Variants in ESR1 observed in about 807,000 individuals in gnomAD.
The protein encoded by ESR1 is estrogen receptor 1.
Under a neutral mutation model 52.7 loss-of-function variants are expected in ESR1, and 12 were observed. The ratio of observed to expected loss-of-function variants is 0.23; its 90% CI spans 0.15 to 0.37. The LOEUF is 0.37. Ranked by LOEUF, ESR1 falls within the 10% of genes least tolerant of loss-of-function variation. ESR1 has a pLI of 1.00. For missense variants in ESR1, 584 were observed against 779.7 expected (o/e 0.75, Z 2.99); for synonymous variants, 305 against 316.8 (o/e 0.96, Z 0.39).
At chr6:151,930,885 A>G (rs1043155514) in intron 3 of ESR1, among the ~76,000 whole-genome samples, 3 of 152,084 alleles carry the variant, frequency 2.0e-5, no homozygotes, top group Non-Finnish European at 2.9e-5. Flanking sequence ...CTGAAGAGAA[A>G]TCTGCTGTAT....
chr6:152,076,812 T>C (rs1197576138), intron 6 of ESR1, among the ~76,000 whole-genome samples: 1 of 152,134 alleles, frequency 6.6e-6, no homozygotes, highest in African/African-American at 2.4e-5. Flanking sequence ...GGGTACCTGG[T>C]AAAAGAAATT....
chr6:151,845,819 G>A (rs932713599), intron 2 of ESR1, among the ~76,000 whole-genome samples: 1 of 152,088 alleles, frequency 6.6e-6, no homozygotes, highest in Non-Finnish European at 1.5e-5. Flanking sequence ...TTAGATATAG[G>A]GAGGAACCTT....
chr6:151,877,909 A>G (rs9397450), intron 2 of ESR1, among the ~76,000 whole-genome samples: 74,430 of 151,820 alleles, frequency 0.49, 18,898 homozygotes, highest in African/African-American at 0.63. Flanking sequence ...TCCTGGGCTC[A>G]AGCGATTCTC....
intron 1 of ESR1, among the ~76,000 whole-genome samples, chr6:151,818,722 T>A (rs1471224055): frequency 6.6e-6 from 1 of 152,160 alleles, no homozygotes; most frequent in Non-Finnish European, 1.5e-5. Context: ...GAGTTCCTCA[T>A]TGGTTTTTCA....
At chr6:151,957,879 G>A (rs2037185599) in intron 4 of ESR1, among the ~76,000 whole-genome samples, 1 of 152,118 alleles carries the variant, frequency 6.6e-6, no homozygotes, top group African/African-American at 2.4e-5. Context: ...TTTACCAGTG[G>A]TATGGCAACT....
intron 2 of ESR1, among the ~76,000 whole-genome samples, chr6:151,706,080 G>A (rs1426373582): frequency 6.6e-6 from 1 of 152,134 alleles, no homozygotes; most frequent in Admixed American, 6.5e-5. Context: ...TTGGACTTTT[G>A]GGTTCCATGA....
intron 7 of ESR1, among the ~76,000 whole-genome samples, chr6:152,096,263 A>G (rs975627482): frequency 2.0e-5 from 3 of 152,174 alleles, no homozygotes; most frequent in African/African-American, 7.2e-5. Context: ...CCTAGGAATG[A>G]AAGAGATTCC....
chr6:151,676,757 C>T lies in ESR1; in HGVS notation n.73+19994C>T, dbSNP rs151203402. ...GTCTCCATCTACCCCTTCCCACTCGCGGAAGCTGCCTCACCAGAGAAACTG... is the reference window on the plus strand; with the variant it reads ...GTCTCCATCTACCCCTTCCCACTCGTGGAAGCTGCCTCACCAGAGAAACTG... On this transcript the variant is annotated intron_variant and non_coding_transcript_variant, in intron 1 of 2. Transcript: ENST00000473497. Among the ~76,000 whole-genome samples the T allele has an allele frequency of 9.4e-3, 1,432 of 152,216 alleles. 12 individuals are homozygous for T. The highest frequency in any genetic ancestry group is 0.068 in the Middle Eastern group (20 of 294).
At chr6:152,128,318 G>T (rs2054236588) in exon 7 of ESR1, 1 of 152,170 alleles carries the variant, frequency 6.6e-6, no homozygotes, top group African/African-American at 2.4e-5. Flanking sequence ...CTAATTTTAA[G>T]AAGTTCTAGG....
At chr6:152,121,631 T>C (rs746263418) in intron 6 of ESR1, 2 of 152,288 alleles carry the variant, frequency 1.3e-5, no homozygotes, top group Non-Finnish European at 2.9e-5. Flanking sequence ...GATCAGTGCC[T>C]GCTTAATAAT....
At chr6:152,095,482 C>T (rs1171612646) in intron 7 of ESR1, among the ~76,000 whole-genome samples, 1 of 152,198 alleles carries the variant, frequency 6.6e-6, no homozygotes, top group Non-Finnish European at 1.5e-5. Context: ...GTCTCCTATC[C>T]TCCTTGTACC....
At chr6:151,924,913 A>G (rs905914178) in intron 3 of ESR1, among the ~76,000 whole-genome samples, 2 of 152,070 alleles carry the variant, frequency 1.3e-5, no homozygotes, top group African/African-American at 4.8e-5. Context: ...TGGTGTTGCA[A>G]TGAACCTACA....
chr6:151,802,390 A>G (rs1242820917), upstream of ESR1, among the ~76,000 whole-genome samples: 1 of 152,224 alleles, frequency 6.6e-6, no homozygotes, highest in African/African-American at 2.4e-5. Flanking sequence ...ACAAACCTTC[A>G]TGTCTCAGAG....
chr6:151,992,026 G>A (rs937508061), intron 4 of ESR1, among the ~76,000 whole-genome samples: 1 of 152,062 alleles, frequency 6.6e-6, no homozygotes, highest in Non-Finnish European at 1.5e-5. Context: ...GTCGGGGAAG[G>A]CTTCTGTATT....
intron 2 of ESR1, among the ~76,000 whole-genome samples, chr6:151,748,627 CAG>C (rs2128072240): frequency 6.6e-6 from 1 of 152,282 alleles, no homozygotes; most frequent in African/African-American, 2.4e-5. Flanking sequence ...CCACCATCAA[CAG>C]GGGATGAGAG....
At chr6:152,057,694 T>C (rs1275843283) in intron 5 of ESR1, among the ~76,000 whole-genome samples, 2 of 145,726 alleles carry the variant, frequency 1.4e-5, no homozygotes, top group African/African-American at 2.5e-5. Flanking sequence ...TACACATGCA[T>C]ACACACACAC....
chr6:151,715,618 T>C (rs1237268534), intron 2 of ESR1, among the ~76,000 whole-genome samples: 1 of 152,220 alleles, frequency 6.6e-6, no homozygotes, highest in Non-Finnish European at 1.5e-5. Flanking sequence ...TTTTGCTTGA[T>C]TGATTCAGCT....
intron 2 of ESR1, among the ~76,000 whole-genome samples, chr6:151,741,402 AG>A (rs1783088768): frequency 6.6e-6 from 1 of 152,146 alleles, no homozygotes. Flanking sequence ...ATACGGGATA[AG>A]GGCAGAGTAT....
At chr6:152,103,649 A>G (rs1311927122), downstream of ESR1, among the ~76,000 whole-genome samples, 1 of 152,230 alleles carries the variant, frequency 6.6e-6, no homozygotes, top group Middle Eastern at 3.2e-3. Context: ...CCTGGCCCAA[A>G]TCCTTCCCTG....
Sources: allele counts gnomAD v4.1 joint callset (sites outside exome capture counted in the v4.1 genomes callset), GRCh38; gene constraint gnomAD v4.1.1; transcripts MANE v1.5; gene names NCBI Gene and HGNC (gene_info 2026-07-23, HGNC 2026-07-21).